Variants in GLIS3 observed in about 807,000 individuals in gnomAD.
The protein encoded by GLIS3 is GLIS family zinc finger 3, also known as zinc finger protein GLIS3.
GLIS3 carries 53 observed loss-of-function variants against 78.6 expected under a neutral mutation model. That is an observed-to-expected ratio of 0.67 (90% confidence interval 0.54 to 0.85). The LOEUF is 0.85. Ranked by LOEUF, GLIS3 falls within the 40% of genes least tolerant of loss-of-function variation. The pLI is 0.00. For synonymous variants in GLIS3, 684 were observed against 509.9 expected (o/e 1.34, Z -4.60); for missense variants, 1,703 against 1,231.1 (o/e 1.38, Z -5.74).
intron 9 of GLIS3, among the ~76,000 whole-genome samples, chr9:3,853,388 G>A (rs1446391482): frequency 1.3e-5 from 2 of 152,010 alleles, no homozygotes; most frequent in East Asian, 1.9e-4. Context: ...TTTGTTGAAT[G>A]AGGGAGTGTC....
the GLIS3 span, among the ~76,000 whole-genome samples, chr9:4,401,245 G>T: frequency 6.6e-6 from 1 of 151,914 alleles, no homozygotes; most frequent in Non-Finnish European, 1.5e-5. Context: ...AGAGATCTTG[G>T]GTTTATTTCT....
At chr9:4,025,473 C>T (rs1242924715) in intron 4 of GLIS3, among the ~76,000 whole-genome samples, 20 of 152,102 alleles carry the variant, frequency 1.3e-4, no homozygotes, top group Middle Eastern at 6.8e-3. Context: ...CCGCAACCTC[C>T]GACTCCCTGG....
At chr9:4,448,230 T>C in the GLIS3 span, among the ~76,000 whole-genome samples, 1 of 152,202 alleles carries the variant, frequency 6.6e-6, no homozygotes, top group Non-Finnish European at 1.5e-5. Flanking sequence ...CCCATTCCCA[T>C]TTGCCTATTC....
chr9:3,996,527 T>C (rs1411596770), intron 4 of GLIS3, among the ~76,000 whole-genome samples: 1 of 152,170 alleles, frequency 6.6e-6, no homozygotes, highest in African/African-American at 2.4e-5. Flanking sequence ...CATGTTGAAA[T>C]GTCAAAACTT....
chr9:4,167,129 G>A, intron 2 of GLIS3, among the ~76,000 whole-genome samples: 1 of 152,184 alleles, frequency 6.6e-6, no homozygotes, highest in South Asian at 2.1e-4. Flanking sequence ...AACCCTCATT[G>A]TACCATTGAC....
intron 2 of GLIS3, among the ~76,000 whole-genome samples, chr9:4,138,856 G>A (rs1833599691): frequency 6.6e-6 from 1 of 152,178 alleles, no homozygotes; most frequent in South Asian, 2.1e-4. Context: ...TTACTAAGAT[G>A]TTATCAGATT....
chr9:4,142,484 T>C (rs1159880212), intron 2 of GLIS3, among the ~76,000 whole-genome samples: 3 of 152,228 alleles, frequency 2.0e-5, no homozygotes, highest in Non-Finnish European at 1.5e-5. Context: ...CTCATTCAAC[T>C]GTTCCAGGTG....
At chr9:4,460,824 A>T in the GLIS3 span, among the ~76,000 whole-genome samples, 10 of 152,120 alleles carry the variant, frequency 6.6e-5, no homozygotes, top group African/African-American at 2.4e-4. Context: ...TCAAATCTGG[A>T]GTGTTTTTAA....
At chr9:4,365,512 TG>T in the GLIS3 span, among the ~76,000 whole-genome samples, 1 of 151,630 alleles carries the variant, frequency 6.6e-6, no homozygotes, top group East Asian at 1.9e-4. Context: ...GCCAAGATCA[TG>T]CCACTGCACT....
At chr9:4,298,757 G>A (rs936035245) in intron 1 of GLIS3, among the ~76,000 whole-genome samples, 1 of 152,166 alleles carries the variant, frequency 6.6e-6, no homozygotes, top group Non-Finnish European at 1.5e-5. Flanking sequence ...GGCGGCGTGG[G>A]AGGTTATAGT....
chr9:4,222,991 G>A (rs1000728189), intron 2 of GLIS3, among the ~76,000 whole-genome samples: 2 of 152,060 alleles, frequency 1.3e-5, no homozygotes, highest in African/African-American at 2.4e-5. Flanking sequence ...TAGGGAATTA[G>A]GGAACAAACA....
At chr9:4,035,954 T>A (rs1357519159) in intron 4 of GLIS3, 2 of 152,352 alleles carry the variant, frequency 1.3e-5, no homozygotes, top group African/African-American at 4.8e-5. Flanking sequence ...CCCACATCCC[T>A]CTGTCACAAT....
At chr9:4,063,554 T>C (rs1003316983) in intron 4 of GLIS3, among the ~76,000 whole-genome samples, 3 of 151,378 alleles carry the variant, frequency 2.0e-5, no homozygotes, top group Admixed American at 6.6e-5. Context: ...TGCAAGTTCA[T>C]GATTTAAAAA....
intron 2 of GLIS3, among the ~76,000 whole-genome samples, chr9:4,311,341 G>A (rs1817352721): frequency 6.6e-6 from 1 of 152,218 alleles, no homozygotes; most frequent in African/African-American, 2.4e-5. Flanking sequence ...CTGGAGAGGT[G>A]GAGGTTGCAG....
intron 2 of GLIS3, among the ~76,000 whole-genome samples, chr9:4,176,716 C>T (rs982377625): frequency 1.3e-5 from 2 of 152,156 alleles, no homozygotes; most frequent in Non-Finnish European, 2.9e-5. Flanking sequence ...CTCCGCCTCC[C>T]GGGTTCAAAT....
At chr9:4,270,198 A>T (rs575355106) in intron 2 of GLIS3, among the ~76,000 whole-genome samples, 2 of 152,334 alleles carry the variant, frequency 1.3e-5, no homozygotes, top group South Asian at 4.1e-4. Flanking sequence ...GCCTATCACC[A>T]TGTCTGGTGT....
chr9:3,946,198 ATTGT>A (rs1463704642), intron 4 of GLIS3, among the ~76,000 whole-genome samples: 1 of 152,078 alleles, frequency 6.6e-6, no homozygotes, highest in Non-Finnish European at 1.5e-5. Flanking sequence ...TAGTAATTGG[ATTGT>A]TTGTTTCCCT....
intron 4 of GLIS3, among the ~76,000 whole-genome samples, chr9:4,032,684 T>G (rs1340675955): frequency 6.6e-6 from 1 of 152,128 alleles, no homozygotes; most frequent in Middle Eastern, 3.2e-3. Flanking sequence ...GCTTCAACAT[T>G]TTCCAGCCCG....
At chr9:4,114,944 G>C (rs1451851823) in intron 4 of GLIS3, among the ~76,000 whole-genome samples, 1 of 152,192 alleles carries the variant, frequency 6.6e-6, no homozygotes, top group East Asian at 1.9e-4. Context: ...TGAATGATGT[G>C]AATCCCAGGG....
Sources: allele counts gnomAD v4.1 joint callset (sites outside exome capture counted in the v4.1 genomes callset), GRCh38; gene constraint gnomAD v4.1.1; transcripts MANE v1.5; gene names NCBI Gene and HGNC (gene_info 2026-07-23, HGNC 2026-07-21).